CDH13: variants seen among roughly 807,000 people sequenced by gnomAD.
The protein encoded by CDH13 is cadherin-13.
CDH13 carries 24 observed loss-of-function variants against 63.8 expected under a neutral mutation model. The ratio of observed to expected loss-of-function variants is 0.38; its 90% CI spans 0.27 to 0.53. The LOEUF (loss-of-function observed/expected upper bound fraction) is 0.53, where lower values mean the gene tolerates loss of function less well. CDH13 is among the 20% of genes least tolerant of loss of function. The pLI is 0.85. For synonymous variants in CDH13, 503 were observed against 355.3 expected (o/e 1.42, Z -4.67); for missense variants, 1,049 against 903.1 (o/e 1.16, Z -2.07).
intron 1 of CDH13, among the ~76,000 whole-genome samples, chr16:82,731,011 T>G (rs1188983171): frequency 6.6e-6 from 1 of 152,226 alleles, no homozygotes; most frequent in African/African-American, 2.4e-5. Context: ...CTATTATTTA[T>G]GTATGGTGAA....
At chr16:83,484,261 G>C (rs1391120146) in intron 6 of CDH13, among the ~76,000 whole-genome samples, 5 of 152,346 alleles carry the variant, frequency 3.3e-5, no homozygotes, top group East Asian at 1.9e-4. Context: ...GGTAAAACCA[G>C]ATGAATTCTA....
chr16:83,625,221 T>C (rs1014039194), intron 8 of CDH13, among the ~76,000 whole-genome samples: 2 of 151,604 alleles, frequency 1.3e-5, no homozygotes, highest in African/African-American at 4.9e-5. Context: ...TGTGCACACG[T>C]GTGTCTATGT....
In CDH13 at chr16:82,844,116, A is replaced by C. The variant is rs143164767; in HGVS notation, c.46-14246A>C. On this transcript the variant is annotated intron_variant, in intron 1 of 13. Coordinates refer to ENST00000567109, the MANE Select transcript of CDH13 (RefSeq NM_001257.5). ...CAAGGTTACCTGTATGACCCAGATG[A>C]GTATGATGTAATCACAAGCTTACAG... is the stretch of plus-strand genomic sequence containing the variant. Among the ~76,000 whole-genome samples the C allele has an allele frequency of 2.6e-5, 4 of 152,300 alleles. No homozygotes were observed. In the East Asian group the frequency reaches 7.7e-4, roughly 29 times the overall value.
intron 11 of CDH13, among the ~76,000 whole-genome samples, chr16:83,772,360 T>C (rs576647109): frequency 6.6e-6 from 1 of 152,182 alleles, no homozygotes; most frequent in Non-Finnish European, 1.5e-5. Flanking sequence ...CTTGGAAATA[T>C]GTGCTCCACT....
intron 8 of CDH13, among the ~76,000 whole-genome samples, chr16:83,619,847 G>A (rs1909643286): frequency 6.6e-6 from 1 of 152,216 alleles, no homozygotes; most frequent in African/African-American, 2.4e-5. Flanking sequence ...CTTAGGGGGA[G>A]ACACAATTCA....
At chr16:82,742,055 T>C (rs995910784) in intron 1 of CDH13, among the ~76,000 whole-genome samples, 2 of 152,156 alleles carry the variant, frequency 1.3e-5, no homozygotes, top group Non-Finnish European at 2.9e-5. Context: ...CCCGGTTATA[T>C]AAAATCATGG....
intron 5 of CDH13, among the ~76,000 whole-genome samples, chr16:83,261,427 G>A (rs1185521529): frequency 6.6e-6 from 1 of 152,136 alleles, no homozygotes; most frequent in Non-Finnish European, 1.5e-5. Context: ...GGTTGGGGGT[G>A]CTCCTGGCAT....
At chr16:82,805,157 G>T (rs1164418957) in intron 1 of CDH13, among the ~76,000 whole-genome samples, 1 of 152,122 alleles carries the variant, frequency 6.6e-6, no homozygotes, top group African/African-American at 2.4e-5. Context: ...TTCATGCTCA[G>T]CCCCCAGGTC....
chr16:83,472,550 C>T (rs966944316), intron 6 of CDH13, among the ~76,000 whole-genome samples: 13 of 152,110 alleles, frequency 8.5e-5, no homozygotes, highest in Admixed American at 1.3e-4. Flanking sequence ...ACCCCAGATC[C>T]GAGGGAGCAT....
At chr16:83,748,899 T>C (rs762871242) in intron 11 of CDH13, among the ~76,000 whole-genome samples, 2 of 152,142 alleles carry the variant, frequency 1.3e-5, no homozygotes, top group African/African-American at 2.4e-5. Flanking sequence ...GATCAGACTG[T>C]AGGGCACAAG....
At chr16:83,316,783 G>A (rs1324250924) in intron 5 of CDH13, among the ~76,000 whole-genome samples, 1 of 152,108 alleles carries the variant, frequency 6.6e-6, no homozygotes, top group East Asian at 1.9e-4. Context: ...TACTTTTGCT[G>A]TAAAACAAAC....
At chr16:83,036,642 A>G (rs969682432) in intron 3 of CDH13, among the ~76,000 whole-genome samples, 6 of 151,686 alleles carry the variant, frequency 4.0e-5, no homozygotes, top group Admixed American at 3.9e-4. Context: ...CTGATAGAAC[A>G]CTCCTGTGGC....
chr16:83,583,718 G>A (rs1196982475), intron 7 of CDH13, among the ~76,000 whole-genome samples: 7 of 151,032 alleles, frequency 4.6e-5, no homozygotes, highest in South Asian at 2.1e-4. Flanking sequence ...GACCAGCCTC[G>A]TCAACATGGT....
At chr16:82,654,129 C>T (rs1468152206) in intron 1 of CDH13, among the ~76,000 whole-genome samples, 1 of 152,130 alleles carries the variant, frequency 6.6e-6, no homozygotes, top group Non-Finnish European at 1.5e-5. Flanking sequence ...GCCTACACTG[C>T]ACCAGCCAGT....
chr16:83,060,083 C>T (rs142240189), intron 3 of CDH13, among the ~76,000 whole-genome samples: 3 of 152,154 alleles, frequency 2.0e-5, no homozygotes, highest in African/African-American at 7.2e-5. Flanking sequence ...CGTGAGCCAC[C>T]GCACCCGGCC....
At chr16:83,590,684 G>C (rs1164927815) in intron 7 of CDH13, among the ~76,000 whole-genome samples, 1 of 152,184 alleles carries the variant, frequency 6.6e-6, no homozygotes, top group African/African-American at 2.4e-5. Flanking sequence ...AAATGGGTGA[G>C]TTTTAAAGTA....
In CDH13 at chr16:83,420,201, C is replaced by G. The variant is rs113545695; in HGVS notation, c.782-66276C>G. On this transcript the variant is annotated intron_variant, in intron 6 of 13. Transcript: ENST00000567109. ...TGATCCTACTCTCAAGGAACTAAATCGAGCTGTCACAATCTCTATGAAGCA... is the reference window on the plus strand; with the variant it reads ...TGATCCTACTCTCAAGGAACTAAATGGAGCTGTCACAATCTCTATGAAGCA... 3.9e-3 allele frequency among the ~76,000 whole-genome samples: 601 copies of G among 152,206 alleles called. 9 individuals carry two copies. The highest frequency in any genetic ancestry group is 0.014 in the African/African-American group (581 of 41,520).
intron 3 of CDH13, among the ~76,000 whole-genome samples, chr16:83,055,649 T>C (rs965760763): frequency 2.2e-4 from 33 of 152,032 alleles, no homozygotes; most frequent in African/African-American, 7.7e-4. Context: ...GATGGCTTCA[T>C]GGTAAATTCC....
rs961900573 is a variant in CDH13, at chr16:83,426,530, C to T, written c.782-59947C>T. 3.7e-4 allele frequency among the ~76,000 whole-genome samples: 56 copies of T among 152,042 alleles called. 2 individuals are homozygous for T. The highest frequency in any genetic ancestry group is 1.3e-3 in the African/African-American group (54 of 41,474). On this transcript the variant is annotated intron_variant, in intron 6 of 13. Transcript: ENST00000567109. The stretch of plus-strand genomic sequence containing the variant: ...ACAATCACACACACACACACACACA[C>T]ACACACACACACACTCATGTGGTTA...
Sources: allele counts gnomAD v4.1 joint callset (sites outside exome capture counted in the v4.1 genomes callset), GRCh38; gene constraint gnomAD v4.1.1; transcripts MANE v1.5; gene names NCBI Gene and HGNC (gene_info 2026-07-23, HGNC 2026-07-21).